ADCY2: variants seen among roughly 807,000 people sequenced by gnomAD.
ADCY2 encodes the protein adenylate cyclase 2, also known as adenylate cyclase type 2.
Under a neutral mutation model 125.2 loss-of-function variants are expected in ADCY2, and 31 were observed. That is an observed-to-expected ratio of 0.25 (90% confidence interval 0.19 to 0.33). The LOEUF is 0.33. ADCY2 is among the 10% of genes least tolerant of loss of function. The probability of loss-of-function intolerance (pLI) is 1.00; values close to 1 mark genes in which losing one functional copy is unlikely to be tolerated. For missense variants in ADCY2, 904 were observed against 1,418.2 expected (o/e 0.64, Z 5.82); for synonymous variants, 512 against 548.4 (o/e 0.93, Z 0.93).
chr5:7,444,630 C>T (rs1271306733), intron 2 of ADCY2, among the ~76,000 whole-genome samples: 3 of 151,876 alleles, frequency 2.0e-5, no homozygotes, highest in Non-Finnish European at 2.9e-5. Flanking sequence ...CCATTTTTGC[C>T]GGTGTATCTT....
chr5:7,485,618 A>C (rs1227324679), intron 2 of ADCY2, among the ~76,000 whole-genome samples: 1 of 152,172 alleles, frequency 6.6e-6, no homozygotes, highest in Non-Finnish European at 1.5e-5. Flanking sequence ...TTCCTTTGAC[A>C]TATTAGTTTC....
At chr5:7,763,171 G>C (rs554069384) in intron 16 of ADCY2, among the ~76,000 whole-genome samples, 20 of 151,820 alleles carry the variant, frequency 1.3e-4, no homozygotes, top group Middle Eastern at 3.4e-3. Flanking sequence ...TCGGCTCACT[G>C]CAAGCTCCGC....
At position 7,460,723 on chromosome 5, in the gene ADCY2, C is replaced by T. The variant is rs186360044; in HGVS notation, c.408+45953C>T. On this transcript the variant is annotated intron_variant, in intron 2 of 24. Transcript: ENST00000338316. ...TTTTTTGTGGACATGGAATTGTGTCCACGAGTATGTATTTCTTATGGGATT... is the reference window on the plus strand; with the variant it reads ...TTTTTTGTGGACATGGAATTGTGTCTACGAGTATGTATTTCTTATGGGATT... Among the ~76,000 whole-genome samples the T allele has an allele frequency of 3.3e-5, 5 of 152,000 alleles. No homozygotes were observed. The East Asian group carries it at 7.7e-4, about 24-fold the overall frequency.
intron 1 of ADCY2, among the ~76,000 whole-genome samples, chr5:7,413,962 T>C (rs1739835669): frequency 6.6e-6 from 1 of 152,234 alleles, no homozygotes; most frequent in African/African-American, 2.4e-5. Flanking sequence ...GTTTGTTATT[T>C]TATTTTCTCC....
intron 3 of ADCY2, among the ~76,000 whole-genome samples, chr5:7,569,808 G>A (rs1374899378): frequency 6.6e-6 from 1 of 152,108 alleles, no homozygotes; most frequent in Non-Finnish European, 1.5e-5. Flanking sequence ...AAGGAAAGAA[G>A]ACTGATGTAA....
At chr5:7,501,639 T>TTCCCCCTTTCCCC (rs1743581042) in intron 2 of ADCY2, among the ~76,000 whole-genome samples, 1 of 37,212 alleles carries the variant, frequency 2.7e-5, no homozygotes, top group Non-Finnish European at 5.1e-5. Context: ...AGAATGAGAT[T>TTCCCCCTTTCCCC]CCCCCCTCCC....
At chr5:7,470,454 AGTAT>A (rs1017380199) in intron 2 of ADCY2, among the ~76,000 whole-genome samples, 18 of 150,562 alleles carry the variant, frequency 1.2e-4, no homozygotes, top group African/African-American at 4.1e-4. Context: ...GAAAGCACAA[AGTAT>A]GTATTATCTA....
Position 7,811,120 on chromosome 5 carries a change from G to A in ADCY2, c.2884-5746G>A, listed in dbSNP as rs186886409. Among the ~76,000 whole-genome samples the A allele has an allele frequency of 4.1e-3, 621 of 152,116 alleles. 5 individuals are homozygous for A. Among genetic ancestry groups the A allele is most frequent in the African/African-American group, 0.012 (502 of 41,424 alleles). On this transcript the variant is annotated intron_variant, in intron 22 of 24. Transcript: ENST00000338316. ...CTGGAAGGAAAGAACTTGTACTCCC[G>A]GAACAGACAGGGAGGGGAGGGCAGG...
chr5:7,718,234 C>T (rs992945462), intron 12 of ADCY2, among the ~76,000 whole-genome samples: 8 of 150,428 alleles, frequency 5.3e-5, no homozygotes. Context: ...CTGCAAGCTC[C>T]ACCTCCCGGG....
intron 3 of ADCY2, among the ~76,000 whole-genome samples, chr5:7,566,265 TCA>T (rs1735890421): frequency 1.3e-5 from 2 of 152,110 alleles, no homozygotes; most frequent in Admixed American, 1.3e-4. Flanking sequence ...GGCAGAAGGA[TCA>T]CTTGAGCTCA....
chr5:7,518,766 A>C (rs1328592290), intron 2 of ADCY2, among the ~76,000 whole-genome samples: 1 of 152,110 alleles, frequency 6.6e-6, no homozygotes, highest in Admixed American at 6.5e-5. Context: ...CAGAAGAATT[A>C]GAGAAGGTGC....
At chr5:7,581,488 T>C (rs988252100) in intron 3 of ADCY2, among the ~76,000 whole-genome samples, 32 of 149,170 alleles carry the variant, frequency 2.1e-4, no homozygotes, top group South Asian at 4.3e-4. Flanking sequence ...TTAATTGAAA[T>C]GGGGTTAAAA....
At chr5:7,764,959 G>C (rs1579408705) in intron 16 of ADCY2, among the ~76,000 whole-genome samples, 1 of 152,154 alleles carries the variant, frequency 6.6e-6, no homozygotes, top group African/African-American at 2.4e-5. Flanking sequence ...TGAATTTACG[G>C]GTAGTTGATA....
chr5:7,738,524 G>A (rs1742312606), intron 14 of ADCY2, among the ~76,000 whole-genome samples: 1 of 151,822 alleles, frequency 6.6e-6, no homozygotes, highest in African/African-American at 2.4e-5. Flanking sequence ...AAAAGCAATG[G>A]GGCAAATAAA....
chr5:7,504,621 T>C (rs1001956270), intron 2 of ADCY2, among the ~76,000 whole-genome samples: 33 of 150,848 alleles, frequency 2.2e-4, no homozygotes, highest in South Asian at 6.3e-4. Context: ...TTCTTTCTTT[T>C]TTTTTTTTTT....
At chr5:7,480,011 AAAG>A (rs1281525189) in intron 2 of ADCY2, among the ~76,000 whole-genome samples, 1 of 152,240 alleles carries the variant, frequency 6.6e-6, no homozygotes, top group Non-Finnish European at 1.5e-5. Context: ...CATATGAAAA[AAAG>A]CTCAACATCA....
At chr5:7,560,404 T>C (rs1020963963) in intron 3 of ADCY2, among the ~76,000 whole-genome samples, 16 of 152,220 alleles carry the variant, frequency 1.1e-4, no homozygotes, top group Admixed American at 9.8e-4. Flanking sequence ...GCCTTTTGAA[T>C]GTTTTCAATT....
At chr5:7,462,659 G>T (rs1354467675) in intron 2 of ADCY2, among the ~76,000 whole-genome samples, 1 of 152,230 alleles carries the variant, frequency 6.6e-6, no homozygotes, top group East Asian at 1.9e-4. Flanking sequence ...CTTTTGAATT[G>T]TTAGGGTGGT....
chr5:7,758,507 A>G (rs1743088277), intron 16 of ADCY2, among the ~76,000 whole-genome samples: 1 of 152,214 alleles, frequency 6.6e-6, no homozygotes, highest in African/African-American at 2.4e-5. Flanking sequence ...ATATTATTTC[A>G]TAATAATAAC....
Sources: gnomAD v4.1 joint callset for allele counts (sites outside exome capture counted in the v4.1 genomes callset) on GRCh38, gnomAD v4.1.1 for gene constraint, MANE v1.5 for transcripts, NCBI Gene and HGNC (gene_info 2026-07-23, HGNC 2026-07-21) for gene names.